CSNK1G3: variants seen among roughly 807,000 people sequenced by gnomAD.
The protein encoded by CSNK1G3 is casein kinase I isoform gamma-3.
In CSNK1G3, 23 loss-of-function variants were observed where a neutral mutation model predicts 64.3. The ratio of observed to expected loss-of-function variants is 0.36; its 90% CI spans 0.26 to 0.51. CSNK1G3 has a LOEUF of 0.51. CSNK1G3 is among the 20% of genes least tolerant of loss of function. The probability of loss-of-function intolerance (pLI) is 0.96; values close to 1 mark genes in which losing one functional copy is unlikely to be tolerated. For synonymous variants in CSNK1G3, 158 were observed against 162.2 expected (o/e 0.97, Z 0.20); for missense variants, 357 against 510.5 (o/e 0.70, Z 2.90).
chr5:123,546,004 T>C (rs1003581576), intron 2 of CSNK1G3, 163 bp downstream of exon 2: 3 of 656,708 alleles, frequency 4.6e-6, no homozygotes, highest in South Asian at 2.0e-5. Flanking sequence ...TGTATTTTCA[T>C]GTGTAAGGAA....
chr5:123,581,249 A>G (rs893153700), intron 6 of CSNK1G3, among the ~76,000 whole-genome samples: 26 of 151,522 alleles, frequency 1.7e-4, no homozygotes, highest in Admixed American at 3.3e-4. Flanking sequence ...TTATATAGCA[A>G]TATTCTCAAG....
At chr5:123,527,926 G>A (rs549537796) in intron 1 of CSNK1G3, among the ~76,000 whole-genome samples, 35 of 152,062 alleles carry the variant, frequency 2.3e-4, no homozygotes, top group African/African-American at 8.2e-4. Flanking sequence ...TTAGTTTAGG[G>A]CTCTCATTCT....
At position 123,605,323 on chromosome 5, in the gene CSNK1G3, T is replaced by G. The variant is rs201558884; in HGVS notation, c.1194-16T>G. 1.2e-3 allele frequency: 1,953 copies of G among 1,596,662 alleles called. 25 individuals carry two copies. The highest frequency in any genetic ancestry group is 9.7e-3 in the East Asian group (434 of 44,686). On this transcript the variant is annotated splice_polypyrimidine_tract_variant and intron_variant, in intron 11 of 12. Transcript: ENST00000345990. The stretch of plus-strand genomic sequence containing the variant: ...CTTTTTTTTCCTTGTATTTTTTTTT[T>G]TGTGTGTGCGTATAGCTGCCAGAAA...
chr5:123,529,096 G>A (rs1235429991), intron 1 of CSNK1G3, among the ~76,000 whole-genome samples: 1 of 152,162 alleles, frequency 6.6e-6, no homozygotes, highest in Non-Finnish European at 1.5e-5. Context: ...TGCAAGAGAG[G>A]TGTGATAAGC....
chr5:123,605,326 T>C lies in CSNK1G3; in HGVS notation c.1194-13T>C. On this transcript the variant is annotated splice_polypyrimidine_tract_variant and intron_variant, in intron 11 of 12. Coordinates refer to ENST00000345990, the Ensembl canonical transcript of CSNK1G3. Reference sequence around the variant, plus strand: ...TTTTTTCCTTGTATTTTTTTTTTTGTGTGTGCGTATAGCTGCCAGAAAGTG... The same window carrying C: ...TTTTTTCCTTGTATTTTTTTTTTTGCGTGTGCGTATAGCTGCCAGAAAGTG... The C allele has an allele frequency of 6.3e-7, 1 of 1,598,094 alleles. No homozygotes were observed. Among genetic ancestry groups the C allele is most frequent in the Non-Finnish European group, 8.5e-7 (1 of 1,174,344 alleles).
At chr5:123,542,469 A>G (rs545541442) in intron 1 of CSNK1G3, among the ~76,000 whole-genome samples, 5 of 152,260 alleles carry the variant, frequency 3.3e-5, no homozygotes, top group South Asian at 2.1e-4. Flanking sequence ...TCAAATTTCT[A>G]TCTGATATTA....
intron 1 of CSNK1G3, among the ~76,000 whole-genome samples, chr5:123,533,775 C>G (rs1780347642): frequency 6.6e-6 from 1 of 151,510 alleles, no homozygotes; most frequent in Admixed American, 6.6e-5. Context: ...AAGTTCTCTT[C>G]TGTTCTTCAT....
At chr5:123,516,321 A>G (rs372123148) in intron 1 of CSNK1G3, among the ~76,000 whole-genome samples, 35 of 152,292 alleles carry the variant, frequency 2.3e-4, no homozygotes, top group Non-Finnish European at 2.6e-4. Context: ...TGCTTTAATA[A>G]TGTGAAATGA....
chr5:123,598,572 A>C (rs1052105460), intron 10 of CSNK1G3, among the ~76,000 whole-genome samples: 3 of 152,108 alleles, frequency 2.0e-5, no homozygotes, highest in African/African-American at 7.2e-5. Context: ...TCAAGAGAGG[A>C]GTATACCAGG....
At chr5:123,616,932 A>C (rs149673281) in exon 13 of CSNK1G3, 1 of 152,140 alleles carries the variant, frequency 6.6e-6, no homozygotes, top group African/African-American at 2.4e-5. Context: ...CTTTCTTGAA[A>C]TCCAGTGGTA....
chr5:123,604,455 G>A (rs1054971246), intron 10 of CSNK1G3, among the ~76,000 whole-genome samples: 3 of 151,972 alleles, frequency 2.0e-5, no homozygotes, highest in African/African-American at 7.2e-5. Context: ...AAACCAGAGG[G>A]AAGGAGACAG....
intron 6 of CSNK1G3, among the ~76,000 whole-genome samples, chr5:123,587,025 C>T (rs548092719): frequency 3.0e-4 from 46 of 152,244 alleles, no homozygotes; most frequent in Non-Finnish European, 6.3e-4. Flanking sequence ...ATGGGAAAGA[C>T]CTGCCCCCAT....
intron 6 of CSNK1G3, among the ~76,000 whole-genome samples, chr5:123,584,857 T>G (rs1273098191): frequency 6.6e-6 from 1 of 152,212 alleles, no homozygotes; most frequent in African/African-American, 2.4e-5. Context: ...AATTTACATG[T>G]AAGTTGTTTC....
At chr5:123,590,667 C>A in intron 9 of CSNK1G3, 109 bp downstream of exon 9, 1 of 701,292 alleles carries the variant, frequency 1.4e-6, no homozygotes, top group Non-Finnish European at 2.1e-6. Context: ...TTAAAGGATT[C>A]ATTTTATTGT....
intron 4 of CSNK1G3, among the ~76,000 whole-genome samples, chr5:123,561,447 A>G: frequency 6.6e-6 from 1 of 152,218 alleles, no homozygotes; most frequent in South Asian, 2.1e-4. Flanking sequence ...AAAAGTTGTG[A>G]AAGCAGTAGC....
At chr5:123,528,007 C>T (rs2150059298) in intron 1 of CSNK1G3, among the ~76,000 whole-genome samples, 1 of 152,180 alleles carries the variant, frequency 6.6e-6, no homozygotes, top group South Asian at 2.1e-4. Context: ...AGTTGTTTGT[C>T]TTCCTTGTTC....
intron 10 of CSNK1G3, among the ~76,000 whole-genome samples, chr5:123,597,693 C>T (rs1793688951): frequency 6.6e-6 from 1 of 152,036 alleles, no homozygotes; most frequent in African/African-American, 2.4e-5. Flanking sequence ...TATTATATAG[C>T]AGACCAGACA....
At position 123,517,253 on chromosome 5, in the gene CSNK1G3, T is replaced by C. The variant is rs371664338; in HGVS notation, c.-248+4683T>C. Among the ~76,000 whole-genome samples the C allele has an allele frequency of 9.8e-5, 15 of 152,324 alleles. No homozygotes were observed. The East Asian group carries it at 2.5e-3, about 25-fold the overall frequency. On this transcript the variant is annotated intron_variant, in intron 1 of 12. Coordinates refer to ENST00000345990, the Ensembl canonical transcript of CSNK1G3. Reference sequence around the variant, plus strand: ...TTGCTGACTGATGCTCATGCTACATTGAATGACAGTAGACTATTCTTTAGT... The same window carrying C: ...TTGCTGACTGATGCTCATGCTACATCGAATGACAGTAGACTATTCTTTAGT...
intron 4 of CSNK1G3, 30 bp from the exon 5 acceptor site, chr5:123,573,363 A>G: frequency 6.2e-7 from 1 of 1,605,142 alleles, no homozygotes; most frequent in South Asian, 1.1e-5. Context: ...AGATGATGAA[A>G]TTATTAAATG....
Sources: allele counts gnomAD v4.1 joint callset (sites outside exome capture counted in the v4.1 genomes callset), GRCh38; gene constraint gnomAD v4.1.1; transcripts MANE v1.5; gene names NCBI Gene and HGNC (gene_info 2026-07-23, HGNC 2026-07-21).